The following LRRC37A2 variants were observed in gnomAD, a reference collection of about 807,000 sequenced individuals.
LRRC37A2 encodes leucine rich repeat containing 37 member A2.
In LRRC37A2, 9 loss-of-function variants were observed where a neutral mutation model predicts 68.8. That is an observed-to-expected ratio of 0.13 (90% CI 0.08 to 0.23). The LOEUF (loss-of-function observed/expected upper bound fraction) is 0.23. LRRC37A2 is among the 10% of genes least tolerant of loss of function. The pLI is 1.00. For missense variants in LRRC37A2, 168 were observed against 950.4 expected (o/e 0.18, Z 10.82); for synonymous variants, 63 against 367.6 (o/e 0.17, Z 9.48).
At chr17:46,729,628 T>A in the LRRC37A2 span, among the ~76,000 whole-genome samples, 1 of 152,164 alleles carries the variant, frequency 6.6e-6, no homozygotes, top group Non-Finnish European at 1.5e-5. Context: ...TTCTGCATGC[T>A]GTAACCTTGA....
At chr17:46,851,640 TGCGCCCCCCGCCC>T in the LRRC37A2 span, 2 of 1,272,676 alleles carry the variant, frequency 1.6e-6, no homozygotes, top group Non-Finnish European at 2.0e-6. The surrounding 1 kb of genome is among the most constrained non-coding windows in gnomAD (Gnocchi z 4.3). Flanking sequence ...GCCAGCACCA[TGCGCCCCCCGCCC>T]GCGCTGGCCC....
chr17:46,976,931 G>A, the LRRC37A2 span, among the ~76,000 whole-genome samples: 3 of 152,138 alleles, frequency 2.0e-5, no homozygotes, highest in Non-Finnish European at 4.4e-5. Flanking sequence ...CTCCACATTC[G>A]GGGTTTTTCC....
chr17:46,986,051 A>G, the LRRC37A2 span, among the ~76,000 whole-genome samples: 1 of 152,096 alleles, frequency 6.6e-6, no homozygotes, highest in Non-Finnish European at 1.5e-5. Context: ...CAGAGTAGAC[A>G]TTGACCTAAA....
the LRRC37A2 span, among the ~76,000 whole-genome samples, chr17:46,860,609 A>G: frequency 6.6e-6 from 1 of 152,236 alleles, no homozygotes; most frequent in Non-Finnish European, 1.5e-5. Flanking sequence ...ATATATAGGT[A>G]TTCAAATGCT....
chr17:46,845,382 G>C, the LRRC37A2 span, among the ~76,000 whole-genome samples: 1 of 152,138 alleles, frequency 6.6e-6, no homozygotes, highest in African/African-American at 2.4e-5. Flanking sequence ...GCTGGGGTGG[G>C]GGTTATATTC....
the LRRC37A2 span, among the ~76,000 whole-genome samples, chr17:47,000,054 AAAATAAAATT>A: frequency 1.6e-3 from 64 of 40,752 alleles, 8 homozygotes; most frequent in South Asian, 7.6e-3. Flanking sequence ...AAAATAAAAT[AAAATAAAATT>A]AAAATAAAAT....
the LRRC37A2 span, among the ~76,000 whole-genome samples, chr17:46,842,351 G>A: frequency 2.6e-5 from 4 of 152,198 alleles, no homozygotes; most frequent in African/African-American, 9.6e-5. Flanking sequence ...CAACCTCAGG[G>A]TTACAGTTAG....
the LRRC37A2 span, among the ~76,000 whole-genome samples, chr17:46,787,263 G>T: frequency 1.4e-5 from 2 of 147,666 alleles, no homozygotes; most frequent in African/African-American, 5.0e-5. Flanking sequence ...TTGAAGAAAA[G>T]TCTCCACCTG....
chr17:46,819,875 C>T, the LRRC37A2 span, among the ~76,000 whole-genome samples: 1 of 152,216 alleles, frequency 6.6e-6, no homozygotes, highest in Non-Finnish European at 1.5e-5. The surrounding 1 kb of genome is among the most constrained non-coding windows in gnomAD (Gnocchi z 5.3). Flanking sequence ...TGGGGACTCA[C>T]GCCCGGTCAC....
the LRRC37A2 span, among the ~76,000 whole-genome samples, chr17:46,972,843 C>T: frequency 6.6e-6 from 1 of 152,066 alleles, no homozygotes; most frequent in African/African-American, 2.4e-5. Flanking sequence ...GCCTGAGTTG[C>T]CTTCACCTCT....
chr17:46,911,108 C>G, the LRRC37A2 span, among the ~76,000 whole-genome samples: 5 of 152,156 alleles, frequency 3.3e-5, no homozygotes, highest in East Asian at 3.9e-4. Flanking sequence ...AATGGAAAGC[C>G]CTTTCATGCC....
At chr17:46,873,624 C>A in the LRRC37A2 span, among the ~76,000 whole-genome samples, 1 of 152,050 alleles carries the variant, frequency 6.6e-6, no homozygotes, top group Non-Finnish European at 1.5e-5. Context: ...TTTGGGAGGC[C>A]GAAGCGGGTG....
the LRRC37A2 span, among the ~76,000 whole-genome samples, chr17:46,816,513 A>ACACACC: frequency 7.6e-6 from 1 of 131,816 alleles, no homozygotes; most frequent in African/African-American, 3.0e-5. Flanking sequence ...ACACACACAC[A>ACACACC]CACCTCTCTC....
At chr17:46,501,840 C>T in the LRRC37A2 span, among the ~76,000 whole-genome samples, 3 of 151,244 alleles carry the variant, frequency 2.0e-5, 1 homozygote, top group African/African-American at 7.4e-5. Context: ...ATTGAATTAA[C>T]CTTGATCAAA....
At chr17:46,939,593 A>G in the LRRC37A2 span, 2 of 985,526 alleles carry the variant, frequency 2.0e-6, no homozygotes, top group Non-Finnish European at 2.4e-6. Context: ...TGATTTTCCA[A>G]TTACAGTCTC....
chr17:46,910,780 A>C, the LRRC37A2 span, among the ~76,000 whole-genome samples: 2 of 152,336 alleles, frequency 1.3e-5, no homozygotes, highest in East Asian at 3.9e-4. Flanking sequence ...CAGCAAAGGC[A>C]CACAGGTGTG....
At chr17:46,770,546 T>C in the LRRC37A2 span, among the ~76,000 whole-genome samples, 1 of 151,904 alleles carries the variant, frequency 6.6e-6, no homozygotes, top group Non-Finnish European at 1.5e-5. Context: ...CGTGGATGCA[T>C]AGGGACGGCC....
At chr17:46,931,301 A>G in the LRRC37A2 span, 24 of 753,790 alleles carry the variant, frequency 3.2e-5, no homozygotes, top group African/African-American at 1.4e-4. Context: ...CTGAAAACCA[A>G]CGTACATGTT....
the LRRC37A2 span, among the ~76,000 whole-genome samples, chr17:46,977,543 G>T: frequency 6.6e-6 from 1 of 152,238 alleles, no homozygotes; most frequent in Non-Finnish European, 1.5e-5. Flanking sequence ...AGGAGGCGTG[G>T]GTTTCTGGGC....
Sources: gnomAD v4.1 joint callset for allele counts (sites outside exome capture counted in the v4.1 genomes callset) on GRCh38, gnomAD v4.1.1 for gene constraint, Gnocchi (gnomAD v3.1) non-coding constraint, MANE v1.5 for transcripts, NCBI Gene and HGNC (gene_info 2026-07-23, HGNC 2026-07-21) for gene names.